The following CNTNAP5 variants were observed in gnomAD, a reference collection of about 807,000 sequenced individuals.
The protein encoded by CNTNAP5 is contactin-associated protein-like 5.
CNTNAP5 carries 72 observed loss-of-function variants against 150.2 expected under a neutral mutation model. The observed-to-expected ratio is 0.48, with a 90% confidence interval of 0.40 to 0.58. The LOEUF (loss-of-function observed/expected upper bound fraction) is 0.58, where lower values mean the gene tolerates loss of function less well. CNTNAP5 is among the 20% of genes least tolerant of loss of function. The probability of loss-of-function intolerance (pLI) is 0.00; values close to 1 mark genes in which losing one functional copy is unlikely to be tolerated. For synonymous variants in CNTNAP5, 672 were observed against 619.8 expected (o/e 1.08, Z -1.25); for missense variants, 1,636 against 1,626.2 (o/e 1.01, Z -0.10).
intron 6 of CNTNAP5, among the ~76,000 whole-genome samples, chr2:124,464,487 G>T (rs559610217): frequency 7.2e-5 from 11 of 152,182 alleles, no homozygotes; most frequent in Admixed American, 6.6e-4. Flanking sequence ...CTCCAAAGTC[G>T]AAGCAAAAAT....
intron 3 of CNTNAP5, among the ~76,000 whole-genome samples, chr2:124,340,078 G>A (rs1249985143): frequency 2.6e-5 from 4 of 152,292 alleles, no homozygotes; most frequent in East Asian, 1.9e-4. Flanking sequence ...CACAATTTCA[G>A]CAGAGTTCTG....
chr2:124,081,616 G>A (rs1480277867), intron 1 of CNTNAP5, among the ~76,000 whole-genome samples: 1 of 152,138 alleles, frequency 6.6e-6, no homozygotes, highest in Non-Finnish European at 1.5e-5. Flanking sequence ...ATTTCTTATG[G>A]CTCTTGAGCA....
Position 124,155,457 on chromosome 2 carries a change from C to T in CNTNAP5, c.83-66248C>T, listed in dbSNP as rs554864469. Among the ~76,000 whole-genome samples the T allele has an allele frequency of 1.4e-4, 21 of 151,240 alleles. No homozygotes were observed. The East Asian group carries it at 1.8e-3, about 13-fold the overall frequency. On this transcript the variant is annotated intron_variant, in intron 1 of 23. Transcript: ENST00000682447. ...AATGAATAGCGTGTGTGTGTGTGTGCGCGCGTGTGTGGTGTGTGTAAAGTG... is the reference window on the plus strand; with the variant it reads ...AATGAATAGCGTGTGTGTGTGTGTGTGCGCGTGTGTGGTGTGTGTAAAGTG...
chr2:124,886,835 A>G (rs1313701464), intron 21 of CNTNAP5, among the ~76,000 whole-genome samples: 1 of 152,034 alleles, frequency 6.6e-6, no homozygotes, highest in African/African-American at 2.4e-5. Context: ...ACACCTGTGC[A>G]TGTACTGACC....
At chr2:124,306,703 TTC>T (rs1158637807) in intron 3 of CNTNAP5, among the ~76,000 whole-genome samples, 1 of 150,622 alleles carries the variant, frequency 6.6e-6, no homozygotes, top group African/African-American at 2.5e-5. Context: ...CAAACTTGGT[TTC>T]TCTCTCTCTC....
chr2:124,488,084 A>T (rs1693931890), intron 7 of CNTNAP5, among the ~76,000 whole-genome samples: 1 of 152,210 alleles, frequency 6.6e-6, no homozygotes, highest in African/African-American at 2.4e-5. Flanking sequence ...ATTATTCATG[A>T]AAAAATAATA....
intron 11 of CNTNAP5, among the ~76,000 whole-genome samples, chr2:124,567,677 G>A (rs1468231854): frequency 6.6e-6 from 1 of 152,040 alleles, no homozygotes. Flanking sequence ...GGTTATTAGT[G>A]GAATATAACG....
intron 8 of CNTNAP5, among the ~76,000 whole-genome samples, chr2:124,521,264 T>C (rs1162928666): frequency 1.3e-5 from 2 of 152,304 alleles, no homozygotes; most frequent in Non-Finnish European, 2.9e-5. Flanking sequence ...AATACCTGCA[T>C]TGAGAACTAT....
chr2:124,882,961 G>A (rs1300489414), intron 21 of CNTNAP5, among the ~76,000 whole-genome samples: 1 of 151,870 alleles, frequency 6.6e-6, no homozygotes, highest in African/African-American at 2.4e-5. Flanking sequence ...CTACCTCCAT[G>A]ATTCAATTCT....
chr2:124,752,957 C>T (rs919587900), intron 14 of CNTNAP5, among the ~76,000 whole-genome samples: 3 of 152,134 alleles, frequency 2.0e-5, no homozygotes, highest in South Asian at 2.1e-4. Context: ...GATGATGACC[C>T]GTGGCCCAAA....
rs756119282 is a variant in CNTNAP5, at chr2:124,755,194, C to CT, written c.2234+7819dup. On this transcript the variant is annotated intron_variant, in intron 14 of 23. Transcript: ENST00000682447. ...GAAAACAAAACATAGCTATGAAATA[C>CT]TTTTTTTTTTATCTTGTGGAAAACA... Among the ~76,000 whole-genome samples the CT allele has an allele frequency of 8.0e-4, 118 of 148,222 alleles. 1 individual carries two copies. Among genetic ancestry groups the CT allele is most frequent in the African/African-American group, 2.6e-3 (105 of 40,414 alleles).
At chr2:124,784,241 C>T (rs1681517096) in intron 17 of CNTNAP5, among the ~76,000 whole-genome samples, 1 of 152,160 alleles carries the variant, frequency 6.6e-6, no homozygotes, top group African/African-American at 2.4e-5. Context: ...CTGATGCAGT[C>T]TGTGTTTTTC....
chr2:124,656,157 G>A (rs1258667754), intron 13 of CNTNAP5, among the ~76,000 whole-genome samples: 1 of 151,824 alleles, frequency 6.6e-6, no homozygotes, highest in Non-Finnish European at 1.5e-5. Context: ...ATACAGACAT[G>A]TTTTAAATGA....
chr2:124,571,537 T>TCTCTTTGTTTTC (rs1558959234), intron 11 of CNTNAP5, among the ~76,000 whole-genome samples: 6 of 102,232 alleles, frequency 5.9e-5, no homozygotes, highest in Admixed American at 1.0e-4. Flanking sequence ...CTTTTTTTTT[T>TCTCTTTGTTTTC]TTTTTTTTTT....
intron 2 of CNTNAP5, among the ~76,000 whole-genome samples, chr2:124,234,367 G>T (rs1352853239): frequency 6.6e-6 from 1 of 152,170 alleles, no homozygotes; most frequent in Non-Finnish European, 1.5e-5. Context: ...GGAAATATGT[G>T]TAAGTGTGCT....
Position 124,710,629 on chromosome 2 carries a change from C to T in CNTNAP5, c.2078-36600C>T, listed in dbSNP as rs183440525. 3.8e-3 allele frequency among the ~76,000 whole-genome samples: 576 copies of T among 152,218 alleles called. 1 individual carries two copies. Among genetic ancestry groups the T allele is most frequent in the Non-Finnish European group, 6.4e-3 (434 of 68,020 alleles). ...GATATGGCAATTTGCTTCCATCTTT[C>T]CTGGACATTTTGCAGCCAAATTTCC... is the stretch of plus-strand genomic sequence containing the variant. On this transcript the variant is annotated intron_variant, in intron 13 of 23. Coordinates refer to ENST00000682447, the MANE Select transcript of CNTNAP5 (RefSeq NM_001367498.1).
At chr2:124,502,406 C>T (rs1694298406) in intron 7 of CNTNAP5, among the ~76,000 whole-genome samples, 1 of 152,180 alleles carries the variant, frequency 6.6e-6, no homozygotes, top group East Asian at 1.9e-4. Context: ...CAGAAGAGGG[C>T]TTGGGTGAAG....
intron 3 of CNTNAP5, among the ~76,000 whole-genome samples, chr2:124,316,801 T>A: frequency 5.7e-5 from 3 of 52,656 alleles, no homozygotes; most frequent in South Asian, 8.3e-4. Context: ...CGAGACTCCA[T>A]CTCAAAAAAA....
intron 18 of CNTNAP5, among the ~76,000 whole-genome samples, chr2:124,791,305 G>A (rs1681723631): frequency 6.6e-6 from 1 of 152,204 alleles, no homozygotes; most frequent in African/African-American, 2.4e-5. Flanking sequence ...TTCCTGAAGA[G>A]CATGTCATGC....
Sources: allele counts gnomAD v4.1 joint callset (sites outside exome capture counted in the v4.1 genomes callset), GRCh38; gene constraint gnomAD v4.1.1; transcripts MANE v1.5; gene names NCBI Gene and HGNC (gene_info 2026-07-23, HGNC 2026-07-21).